The following COMMD1 variants were observed in gnomAD, a reference collection of about 807,000 sequenced individuals.
COMMD1 encodes the protein COMM domain-containing protein 1.
COMMD1 carries 10 observed loss-of-function variants against 17.2 expected under a neutral mutation model. That is an observed-to-expected ratio of 0.58 (90% CI 0.36 to 0.99). COMMD1 has a LOEUF of 0.99. COMMD1 is among the 50% of genes least tolerant of loss of function. COMMD1 has a pLI of 0.01. For synonymous variants in COMMD1, 97 were observed against 91.6 expected (o/e 1.06, Z -0.34); for missense variants, 270 against 231.8 (o/e 1.17, Z -1.07).
At chr2:61,941,807 C>T (rs1211219198) in intron 1 of COMMD1, among the ~76,000 whole-genome samples, 1 of 152,172 alleles carries the variant, frequency 6.6e-6, no homozygotes, top group Non-Finnish European at 1.5e-5. Context: ...GTCATTTTTA[C>T]AGTCCCTTAC....
chr2:61,903,626 C>T (rs1669705136), upstream of COMMD1, among the ~76,000 whole-genome samples: 1 of 151,562 alleles, frequency 6.6e-6, no homozygotes, highest in Admixed American at 6.6e-5. Context: ...CATCTCTGCT[C>T]ACTGCAGCCT....
At chr2:61,953,697 A>C (rs1324854930) in intron 1 of COMMD1, among the ~76,000 whole-genome samples, 2 of 152,140 alleles carry the variant, frequency 1.3e-5, no homozygotes, top group African/African-American at 2.4e-5. Context: ...AGCTATTTAG[A>C]ATAGAGCTCT....
chr2:62,058,994 G>A (rs947536080), intron 2 of COMMD1, among the ~76,000 whole-genome samples: 1 of 151,962 alleles, frequency 6.6e-6, no homozygotes, highest in South Asian at 2.1e-4. Context: ...TAGTCAGGCC[G>A]GTCTCGAACT....
intron 1 of COMMD1, among the ~76,000 whole-genome samples, chr2:61,972,728 A>G (rs1417986905): frequency 1.3e-5 from 2 of 152,084 alleles, no homozygotes. Flanking sequence ...CCTGGTCAGC[A>G]CTCCTCAAAA....
chr2:62,115,860 C>CT (rs1240965232), intron 2 of COMMD1, among the ~76,000 whole-genome samples: 880 of 43,316 alleles, frequency 0.02, 9 homozygotes, highest in African/African-American at 0.025. Flanking sequence ...TTCTTTCTTT[C>CT]TTTTTTTTTT....
chr2:61,927,213 T>C (rs561410586), intron 1 of COMMD1, among the ~76,000 whole-genome samples: 21 of 152,354 alleles, frequency 1.4e-4, no homozygotes, highest in African/African-American at 4.6e-4. Context: ...TACTTCAGGC[T>C]ACCTTTTTTG....
chr2:61,960,716 C>T (rs1372689262), intron 1 of COMMD1, among the ~76,000 whole-genome samples: 2 of 152,180 alleles, frequency 1.3e-5, no homozygotes, highest in African/African-American at 4.8e-5. Flanking sequence ...GACTGGTAGA[C>T]CCTAATTGCT....
intron 2 of COMMD1, among the ~76,000 whole-genome samples, chr2:62,111,448 G>A (rs1221946979): frequency 6.6e-6 from 1 of 152,136 alleles, no homozygotes; most frequent in Non-Finnish European, 1.5e-5. Flanking sequence ...TATTCTAATG[G>A]TAATAGACTG....
At chr2:61,967,741 A>G (rs1453816233) in intron 1 of COMMD1, among the ~76,000 whole-genome samples, 5 of 152,252 alleles carry the variant, frequency 3.3e-5, no homozygotes, top group Admixed American at 2.0e-4. Context: ...GAGGGTTTCC[A>G]TATCAGAGTA....
intron 1 of COMMD1, among the ~76,000 whole-genome samples, chr2:61,996,660 C>T (rs1668763039): frequency 6.6e-6 from 1 of 152,182 alleles, no homozygotes; most frequent in African/African-American, 2.4e-5. Context: ...ATGTTCACAA[C>T]ATCTTTACTA....
chr2:61,950,783 C>T (rs1436876898), intron 1 of COMMD1, among the ~76,000 whole-genome samples: 1 of 152,134 alleles, frequency 6.6e-6, no homozygotes, highest in East Asian at 1.9e-4. Context: ...ATACCCAGAA[C>T]AAAGGAAGGA....
chr2:62,132,181 C>T (rs921912899), intron 2 of COMMD1, among the ~76,000 whole-genome samples: 1 of 152,210 alleles, frequency 6.6e-6, no homozygotes, highest in Non-Finnish European at 1.5e-5. Flanking sequence ...GCCACCACAC[C>T]CGGCCTGGAC....
At chr2:62,059,364 C>T (rs144396600) in intron 2 of COMMD1, among the ~76,000 whole-genome samples, 1 of 152,090 alleles carries the variant, frequency 6.6e-6, no homozygotes, top group Non-Finnish European at 1.5e-5. Flanking sequence ...CTATGTTGCC[C>T]AGGCTGGTCT....
chr2:61,927,834 G>A (rs1214170683), intron 1 of COMMD1, among the ~76,000 whole-genome samples: 2 of 152,072 alleles, frequency 1.3e-5, no homozygotes, highest in Non-Finnish European at 2.9e-5. Flanking sequence ...GGAGTGCAAT[G>A]GCTCACTGCA....
intron 2 of COMMD1, among the ~76,000 whole-genome samples, chr2:62,102,605 C>G (rs1672217017): frequency 6.6e-6 from 1 of 152,116 alleles, no homozygotes; most frequent in African/African-American, 2.4e-5. Context: ...GCTCTCCTGT[C>G]TCTCAGTCTC....
chr2:62,121,371 C>CAAAAAAAAAAAAAAAA (rs55789110), intron 2 of COMMD1, among the ~76,000 whole-genome samples: 4 of 47,204 alleles, frequency 8.5e-5, no homozygotes, highest in African/African-American at 2.8e-4. Context: ...GACTCTTTCT[C>CAAAAAAAAAAAAAAAA]AAAAAAAAAA....
chr2:62,020,725 C>T (rs1291119832), intron 2 of COMMD1, among the ~76,000 whole-genome samples: 6 of 152,062 alleles, frequency 3.9e-5, no homozygotes, highest in Admixed American at 1.3e-4. Flanking sequence ...GATGGTTGGG[C>T]GTGGTGGCTC....
At chr2:62,006,962 A>G (rs1669137458) in intron 2 of COMMD1, among the ~76,000 whole-genome samples, 1 of 152,098 alleles carries the variant, frequency 6.6e-6, no homozygotes, top group African/African-American at 2.4e-5. Flanking sequence ...GTTTTCTTTT[A>G]TGACTTCTTG....
At chr2:61,919,099 C>T (rs1572961198) in intron 1 of COMMD1, among the ~76,000 whole-genome samples, 1 of 151,180 alleles carries the variant, frequency 6.6e-6, no homozygotes, top group Non-Finnish European at 1.5e-5. Flanking sequence ...GAAGACTCTG[C>T]CTCTCAGGTT....
Sources: gnomAD v4.1 joint callset for allele counts (sites outside exome capture counted in the v4.1 genomes callset) on GRCh38, gnomAD v4.1.1 for gene constraint, MANE v1.5 for transcripts, NCBI Gene and HGNC (gene_info 2026-07-23, HGNC 2026-07-21) for gene names.